Variants in SLC24A3 observed in about 807,000 individuals in gnomAD.
SLC24A3 encodes sodium/potassium/calcium exchanger 3.
In SLC24A3, 28 loss-of-function variants were observed where a neutral mutation model predicts 75.8. The ratio of observed to expected loss-of-function variants is 0.37; its 90% CI spans 0.27 to 0.51. The LOEUF (loss-of-function observed/expected upper bound fraction) is 0.51, where lower values mean the gene tolerates loss of function less well. SLC24A3 is among the 20% of genes least tolerant of loss of function. The pLI is 0.94. For missense variants in SLC24A3, 663 were observed against 847.8 expected (o/e 0.78, Z 2.71); for synonymous variants, 372 against 334.1 (o/e 1.11, Z -1.24).
rs148102791 is a variant in SLC24A3 at position 19,639,825 on chromosome 20, G to C, written c.613-14237G>C. 9.3e-3 allele frequency among the ~76,000 whole-genome samples: 1,411 copies of C among 152,342 alleles called. 24 individuals are homozygous for C. Among genetic ancestry groups the C allele is most frequent in the African/African-American group, 0.033 (1,352 of 41,574 alleles). ...GAGAAATAGACAGCAGCGCCGGTGG[G>C]CTGGCACTGCTGGGGGACCCATTAC... On this transcript the variant is annotated intron_variant, in intron 6 of 16. Coordinates refer to ENST00000328041, the MANE Select transcript of SLC24A3 (RefSeq NM_020689.4).
At position 19,314,344 on chromosome 20, in the gene SLC24A3, C is replaced by T. The variant is rs180891843; in HGVS notation, c.271+33257C>T. The stretch of plus-strand genomic sequence containing the variant: ...TTATTTTATTTTTGAGACAGGGTCT[C>T]AGTCCACCACCCAGGCTGGAGTGCA... On this transcript the variant is annotated intron_variant, in intron 2 of 16. Coordinates refer to ENST00000328041, the MANE Select transcript of SLC24A3 (RefSeq NM_020689.4). Among the ~76,000 whole-genome samples the T allele has an allele frequency of 5.9e-4, 65 of 110,794 alleles. No individual in the cohort carries two copies. In the East Asian group the frequency reaches 0.015, roughly 26 times the overall value. 72.7% of individuals were successfully genotyped at this position (110,794 alleles called of 152,430 possible).
rs1986753832 is a variant in SLC24A3, at chr20:19,412,173, C to A, written c.272-103315C>A. On this transcript the variant is annotated intron_variant, in intron 2 of 16. Transcript: ENST00000328041. ...TGCAAATTTATCTCTCACTATTTTT[C>A]TTCAAATCCATCCAGTGCATCTTTG... 2.0e-5 allele frequency among the ~76,000 whole-genome samples: 3 copies of A among 152,180 alleles called. No homozygotes were observed. In the South Asian group the frequency reaches 6.2e-4, roughly 32 times the overall value.
intron 2 of SLC24A3, among the ~76,000 whole-genome samples, chr20:19,482,847 C>T (rs761221): frequency 0.44 from 67,530 of 151,996 alleles, 15,449 homozygotes; most frequent in African/African-American, 0.55. Flanking sequence ...CACAAGCACA[C>T]GGTTCAGTCA....
chr20:19,522,384 A>G (rs541213912), intron 3 of SLC24A3, among the ~76,000 whole-genome samples: 2 of 152,208 alleles, frequency 1.3e-5, no homozygotes, highest in Non-Finnish European at 2.9e-5. Context: ...CAGGCTTACC[A>G]AAACAAGGGA....
At chr20:19,531,922 C>G (rs2030308095) in intron 3 of SLC24A3, among the ~76,000 whole-genome samples, 1 of 152,162 alleles carries the variant, frequency 6.6e-6, no homozygotes, top group Non-Finnish European at 1.5e-5. Context: ...CCCCCCATGA[C>G]AGAAGTATTA....
chr20:19,435,888 T>G (rs1310094477), intron 2 of SLC24A3, among the ~76,000 whole-genome samples: 1 of 152,186 alleles, frequency 6.6e-6, no homozygotes, highest in East Asian at 1.9e-4. Flanking sequence ...CAAGAATGAA[T>G]GATATAATGA....
At position 19,304,458 on chromosome 20, in the gene SLC24A3, G is replaced by A. The variant is rs145022637; in HGVS notation, c.271+23371G>A. On this transcript the variant is annotated intron_variant, in intron 2 of 16. Transcript: ENST00000328041. ...CTACTTGCAATGGCCCTTCCAAGAC[G>A]TTCCATCTCATTTCCTATTCGTTAA... 1.6e-3 allele frequency among the ~76,000 whole-genome samples: 240 copies of A among 152,214 alleles called. 1 individual carries two copies. The highest frequency in any genetic ancestry group is 2.6e-3 in the Non-Finnish European group (177 of 68,018).
chr20:19,677,258 GA>G (rs1285072280), intron 9 of SLC24A3, among the ~76,000 whole-genome samples: 1 of 145,968 alleles, frequency 6.9e-6, no homozygotes, highest in African/African-American at 2.6e-5. Flanking sequence ...CCAGGAGTTT[GA>G]GACTAACCTC....
chr20:19,355,735 G>A (rs766244779), intron 2 of SLC24A3, among the ~76,000 whole-genome samples: 2 of 152,192 alleles, frequency 1.3e-5, no homozygotes, highest in African/African-American at 2.4e-5. Context: ...CCGCACATTA[G>A]TGGCAAGATC....
chr20:19,394,775 TAAAATGGTGCAGCC>T (rs908790796), intron 2 of SLC24A3, among the ~76,000 whole-genome samples: 1 of 152,206 alleles, frequency 6.6e-6, no homozygotes, highest in African/African-American at 2.4e-5. Context: ...GGAGGGAATG[TAAAATGGTGCAGCC>T]ACAGTGGAAA....
In SLC24A3 at chr20:19,674,921, C is replaced by T. The variant is rs1197376131; in HGVS notation, c.767+1267C>T. ...TACAAAAATTAGCCAGGCGTGGTGGCGTGCGCCTGTAATCCCAGCTACTTG... is the reference window on the plus strand; with the variant it reads ...TACAAAAATTAGCCAGGCGTGGTGGTGTGCGCCTGTAATCCCAGCTACTTG... On this transcript the variant is annotated intron_variant, in intron 9 of 16. Coordinates refer to ENST00000328041, the MANE Select transcript of SLC24A3 (RefSeq NM_020689.4). 3.9e-5 allele frequency among the ~76,000 whole-genome samples: 6 copies of T among 152,220 alleles called. No individual in the cohort carries two copies. The South Asian group carries it at 8.3e-4, about 21-fold the overall frequency.
intron 15 of SLC24A3, among the ~76,000 whole-genome samples, chr20:19,715,260 G>T (rs765847693): frequency 1.3e-5 from 2 of 152,192 alleles, no homozygotes; most frequent in African/African-American, 2.4e-5. Flanking sequence ...TTGCGATGCA[G>T]TCTTGTATGC....
intron 2 of SLC24A3, among the ~76,000 whole-genome samples, chr20:19,347,626 A>G (rs755292732): frequency 1.4e-4 from 22 of 152,354 alleles, no homozygotes; most frequent in Non-Finnish European, 2.4e-4. Flanking sequence ...TTAACTTACA[A>G]AATAAATTGG....
At chr20:19,469,895 AC>A (rs1458798054) in intron 2 of SLC24A3, among the ~76,000 whole-genome samples, 1 of 152,172 alleles carries the variant, frequency 6.6e-6, no homozygotes, top group East Asian at 1.9e-4. Context: ...GACTCTTCAA[AC>A]CTAAAATTAT....
chr20:19,709,903 T>C (rs546948755), intron 15 of SLC24A3, among the ~76,000 whole-genome samples: 1 of 152,320 alleles, frequency 6.6e-6, no homozygotes, highest in East Asian at 1.9e-4. Flanking sequence ...CAGAACTAAA[T>C]GCACTATTGT....
intron 6 of SLC24A3, among the ~76,000 whole-genome samples, chr20:19,608,173 C>T (rs746373098): frequency 3.9e-5 from 6 of 152,180 alleles, no homozygotes; most frequent in Non-Finnish European, 7.3e-5. Flanking sequence ...AGCAATCTTT[C>T]GGTTTTATCT....
chr20:19,362,425 G>T (rs1228158934), intron 2 of SLC24A3, among the ~76,000 whole-genome samples: 4 of 152,168 alleles, frequency 2.6e-5, no homozygotes, highest in Admixed American at 2.0e-4. Context: ...GCGCTTTTTC[G>T]TGACAAGTGG....
intron 1 of SLC24A3, among the ~76,000 whole-genome samples, chr20:19,214,176 C>G (rs1395615586): frequency 6.6e-6 from 1 of 152,136 alleles, no homozygotes; most frequent in African/African-American, 2.4e-5. Flanking sequence ...TCTTAGCAGA[C>G]CGCTTGACAG....
intron 2 of SLC24A3, among the ~76,000 whole-genome samples, chr20:19,375,599 A>T (rs1652303474): frequency 6.6e-6 from 1 of 152,172 alleles, no homozygotes; most frequent in Non-Finnish European, 1.5e-5. Context: ...ATGTGAGAGG[A>T]GGAAGTGCCA....
Sources: gnomAD v4.1 joint callset for allele counts (sites outside exome capture counted in the v4.1 genomes callset) on GRCh38, gnomAD v4.1.1 for gene constraint, MANE v1.5 for transcripts, NCBI Gene and HGNC (gene_info 2026-07-23, HGNC 2026-07-21) for gene names.